Variants in DPH6 observed in about 807,000 individuals in gnomAD.
DPH6 encodes diphthamine biosynthesis 6, also known as diphthine--ammonia ligase.
DPH6 carries 33 observed loss-of-function variants against 38.2 expected under a neutral mutation model. That is an observed-to-expected ratio of 0.86 (90% CI 0.65 to 1.15). The LOEUF (loss-of-function observed/expected upper bound fraction) is 1.15. Among genes scored for constraint, DPH6 ranks in the 50% most tolerant of loss-of-function variants. The probability of loss-of-function intolerance (pLI) is 0.00; values close to 1 mark genes in which losing one functional copy is unlikely to be tolerated. For missense variants in DPH6, 325 were observed against 320.0 expected (o/e 1.02, Z -0.12); for synonymous variants, 108 against 103.0 (o/e 1.05, Z -0.30).
chr15:35,425,671 GTGTA>G (rs2053559863), intron 5 of DPH6, among the ~76,000 whole-genome samples: 1 of 68,910 alleles, frequency 1.5e-5, no homozygotes, highest in Non-Finnish European at 2.6e-5. Flanking sequence ...GGAAGTGTGT[GTGTA>G]TGTGTGTGTG....
rs138871045 is a variant in DPH6, at chr15:35,312,525, C to T, written n.200+60996G>A. ...TCCCAGAATTAAGATAATCTGCCAA[C>T]ACTCTGCTGGCCAAACAGATTCATG... On this transcript the variant is annotated intron_variant and non_coding_transcript_variant, in intron 3 of 3. Coordinates refer to the DPH6 transcript ENST00000560386. Among the ~76,000 whole-genome samples the T allele has an allele frequency of 2.7e-3, 404 of 152,310 alleles. 2 individuals are homozygous for T. The highest frequency in any genetic ancestry group is 9.3e-3 in the African/African-American group (385 of 41,568).
rs532407836 is a variant in DPH6 at position 35,391,991 on chromosome 15, A to C, written c.568-10075T>G. Among the ~76,000 whole-genome samples the C allele has an allele frequency of 6.6e-4, 99 of 149,830 alleles. 1 individual carries two copies. The highest frequency in any genetic ancestry group is 2.3e-3 in the African/African-American group (93 of 40,030). ...ATTCAGCCATCTTGATCCCAACTGC[A>C]ATCTCACATATAGCTAAAGTGTGCT... On this transcript the variant is annotated intron_variant, in intron 6 of 8. Coordinates refer to ENST00000256538, the MANE Select transcript of DPH6 (RefSeq NM_080650.4).
At chr15:35,397,105 C>T (rs530667328) in intron 6 of DPH6, among the ~76,000 whole-genome samples, 1 of 152,272 alleles carries the variant, frequency 6.6e-6, no homozygotes, top group African/African-American at 2.4e-5. Context: ...AAATATGTGT[C>T]TTTCTTGTTA....
intron 3 of DPH6, among the ~76,000 whole-genome samples, chr15:35,460,137 A>T (rs1269636296): frequency 6.6e-6 from 1 of 152,190 alleles, no homozygotes; most frequent in Non-Finnish European, 1.5e-5. Flanking sequence ...ATTTAGGAGA[A>T]AGCTGCAGTC....
intron 3 of DPH6, among the ~76,000 whole-genome samples, chr15:35,503,174 T>C (rs1028261675): frequency 6.6e-6 from 1 of 151,954 alleles, no homozygotes; most frequent in African/African-American, 2.4e-5. Context: ...CCTAGAATGC[T>C]TTATTTATAT....
intron 6 of DPH6, among the ~76,000 whole-genome samples, chr15:35,388,596 C>G (rs1368157522): frequency 6.6e-6 from 1 of 152,180 alleles, no homozygotes; most frequent in Non-Finnish European, 1.5e-5. Flanking sequence ...AGGAATTTAT[C>G]CATTTCTTCT....
At chr15:35,259,126 C>A (rs2051727133) in intron 3 of DPH6, among the ~76,000 whole-genome samples, 1 of 140,408 alleles carries the variant, frequency 7.1e-6, no homozygotes, top group Admixed American at 7.4e-5. Flanking sequence ...GCCTGGGGGA[C>A]ACAGCAAGAC....
At position 35,384,647 on chromosome 15, in the gene DPH6, G is replaced by A. The variant is rs536301943; in HGVS notation, c.568-2731C>T. On this transcript the variant is annotated intron_variant, in intron 6 of 8. Coordinates refer to ENST00000256538, the MANE Select transcript of DPH6 (RefSeq NM_080650.4). Reference sequence around the variant, plus strand: ...CATTGCACTCCAGCCTGAGGGTCAAGAGTGAAACTCTGTCTCAAAAAAATA... The same window carrying A: ...CATTGCACTCCAGCCTGAGGGTCAAAAGTGAAACTCTGTCTCAAAAAAATA... Among the ~76,000 whole-genome samples, 9 of 150,452 alleles carry A rather than the reference G, an allele frequency of 6.0e-5. No individual in the cohort carries two copies. In the South Asian group the frequency reaches 6.4e-4, roughly 11 times the overall value.
At chr15:35,177,771 T>A in the DPH6 span, among the ~76,000 whole-genome samples, 15 of 151,662 alleles carry the variant, frequency 9.9e-5, no homozygotes, top group Admixed American at 3.9e-4. Flanking sequence ...GAAACCCCCA[T>A]CTCTACTAAA....
At chr15:35,451,071 A>G (rs2053927292) in intron 4 of DPH6, among the ~76,000 whole-genome samples, 1 of 152,194 alleles carries the variant, frequency 6.6e-6, no homozygotes, top group South Asian at 2.1e-4. Flanking sequence ...AAATCTATGT[A>G]AAAGAATTTA....
intron 5 of DPH6, among the ~76,000 whole-genome samples, chr15:35,418,335 G>A (rs1050436632): frequency 1.3e-5 from 2 of 152,104 alleles, no homozygotes; most frequent in African/African-American, 4.8e-5. Context: ...TGATGTTAAA[G>A]TACATTTTAA....
At chr15:35,500,714 C>T (rs977475235) in intron 3 of DPH6, among the ~76,000 whole-genome samples, 8 of 152,262 alleles carry the variant, frequency 5.3e-5, no homozygotes, top group South Asian at 2.1e-4. Context: ...TAGAAACACA[C>T]TACAAGTCAG....
At chr15:35,467,875 C>T (rs570209922) in intron 3 of DPH6, among the ~76,000 whole-genome samples, 18 of 152,310 alleles carry the variant, frequency 1.2e-4, no homozygotes, top group East Asian at 1.9e-4. Flanking sequence ...ACCACAAACA[C>T]ATGAGTAAAA....
chr15:35,420,794 G>C (rs754109274), intron 5 of DPH6, among the ~76,000 whole-genome samples: 1 of 152,122 alleles, frequency 6.6e-6, no homozygotes, highest in African/African-American at 2.4e-5. Flanking sequence ...GGATTACAGC[G>C]TGAGCCACTG....
chr15:35,483,418 C>T (rs534840852), intron 3 of DPH6, among the ~76,000 whole-genome samples: 69 of 150,988 alleles, frequency 4.6e-4, no homozygotes, highest in African/African-American at 1.6e-3. Flanking sequence ...GAGCTGAGAT[C>T]GCACCATTGC....
At chr15:35,269,603 A>AT (rs1242668586) in intron 3 of DPH6, among the ~76,000 whole-genome samples, 1 of 148,958 alleles carries the variant, frequency 6.7e-6, no homozygotes, top group Admixed American at 6.7e-5. Context: ...CGCCCGGCTA[A>AT]TTTTTTTTGT....
the DPH6 span, among the ~76,000 whole-genome samples, chr15:35,175,731 A>G: frequency 3.9e-5 from 6 of 152,074 alleles, no homozygotes; most frequent in African/African-American, 1.2e-4. Flanking sequence ...TTAGCACTTA[A>G]CAGAAGCATT....
chr15:35,229,647 A>G (rs561904858), intron 3 of DPH6, among the ~76,000 whole-genome samples: 1 of 152,224 alleles, frequency 6.6e-6, no homozygotes, highest in African/African-American at 2.4e-5. Flanking sequence ...GGTATTTATT[A>G]TAGTCTTCAT....
At chr15:35,202,742 T>C in the DPH6 span, among the ~76,000 whole-genome samples, 1 of 151,816 alleles carries the variant, frequency 6.6e-6, no homozygotes, top group African/African-American at 2.4e-5. Context: ...CAATCAAATA[T>C]AATTTTTAAA....
Sources: allele counts gnomAD v4.1 joint callset (sites outside exome capture counted in the v4.1 genomes callset), GRCh38; gene constraint gnomAD v4.1.1; transcripts MANE v1.5; gene names NCBI Gene and HGNC (gene_info 2026-07-23, HGNC 2026-07-21).